The following IQGAP2 variants were observed in gnomAD, a reference collection of about 807,000 sequenced individuals.
IQGAP2 encodes IQ motif containing GTPase activating protein 2.
In IQGAP2, 173 loss-of-function variants were observed where a neutral mutation model predicts 201.3. That is an observed-to-expected ratio of 0.86 (90% CI 0.76 to 0.98). The LOEUF is 0.98. IQGAP2 is among the 50% of genes least tolerant of loss of function. IQGAP2 has a pLI of 0.00. For synonymous variants in IQGAP2, 675 were observed against 673.9 expected (o/e 1.00, Z -0.03); for missense variants, 1,687 against 1,864.8 (o/e 0.90, Z 1.76).
At chr5:76,658,796 A>G (rs1477736183) in intron 21 of IQGAP2, 129 bp downstream of exon 21, 1 of 804,076 alleles carries the variant, frequency 1.2e-6, no homozygotes, top group Non-Finnish European at 2.1e-6. Context: ...TGATGCAAAC[A>G]TCATAGAGCA....
intron 2 of IQGAP2, among the ~76,000 whole-genome samples, chr5:76,535,742 T>C (rs575117892): frequency 2.0e-4 from 30 of 152,322 alleles, no homozygotes; most frequent in Non-Finnish European, 3.2e-4. Context: ...TTTGTTTGTT[T>C]AGACTGCTTC....
intron 2 of IQGAP2, among the ~76,000 whole-genome samples, chr5:76,515,872 C>CTTT (rs71604295): frequency 0.018 from 1,870 of 102,636 alleles, 119 homozygotes; most frequent in African/African-American, 0.058. Context: ...AGGGGGTGAT[C>CTTT]TTTTTTTTTT....
intron 28 of IQGAP2, among the ~76,000 whole-genome samples, chr5:76,679,262 A>G (rs1482247194): frequency 6.6e-6 from 1 of 152,214 alleles, no homozygotes; most frequent in Non-Finnish European, 1.5e-5. Context: ...TTAATTTAGA[A>G]GTCTTAGAAG....
chr5:76,484,249 T>G (rs1300114026), intron 2 of IQGAP2, among the ~76,000 whole-genome samples: 2 of 152,178 alleles, frequency 1.3e-5, no homozygotes, highest in African/African-American at 4.8e-5. Flanking sequence ...TTGTGAAGGC[T>G]TATGAGGAAA....
chr5:76,647,737 C>T (rs1407178540), intron 17 of IQGAP2, among the ~76,000 whole-genome samples: 1 of 152,074 alleles, frequency 6.6e-6, no homozygotes, highest in Non-Finnish European at 1.5e-5. Context: ...TGAAAGCCTG[C>T]TCTCTGTAGC....
At chr5:76,600,673 G>T (rs1173067196) in intron 10 of IQGAP2, 139 bp from the exon 11 acceptor site, 1 of 883,542 alleles carries the variant, frequency 1.1e-6, no homozygotes, top group Non-Finnish European at 1.7e-6. Context: ...TGGAAAGCAG[G>T]TGGCCACGAC....
rs534555234 is a variant in IQGAP2, at chr5:76,672,592, T to C, written c.3068+609T>C. 5.9e-5 allele frequency among the ~76,000 whole-genome samples: 9 copies of C among 152,352 alleles called. No homozygotes were observed. The East Asian group carries it at 1.5e-3, about 26-fold the overall frequency. The stretch of plus-strand genomic sequence containing the variant: ...TAAGTATTTGGAATCGTGGTATAGA[T>C]ATACATTTGTTGGCACAGAAAAAAA... On this transcript the variant is annotated intron_variant, in intron 24 of 35. Transcript: ENST00000274364.
chr5:76,430,455 AG>A (rs1369518195), intron 1 of IQGAP2, among the ~76,000 whole-genome samples: 2 of 152,218 alleles, frequency 1.3e-5, no homozygotes, highest in Non-Finnish European at 2.9e-5. Context: ...GGCTTCTTGC[AG>A]CATGGCAGCT....
intron 2 of IQGAP2, among the ~76,000 whole-genome samples, chr5:76,495,074 A>G (rs559220185): frequency 1.1e-4 from 16 of 152,362 alleles, no homozygotes; most frequent in African/African-American, 3.6e-4. Context: ...ACATAAATAC[A>G]TAAATTTTAA....
intron 2 of IQGAP2, among the ~76,000 whole-genome samples, chr5:76,482,876 G>C (rs530486628): frequency 6.6e-6 from 1 of 152,272 alleles, no homozygotes; most frequent in South Asian, 2.1e-4. Context: ...GTTAGTGCCT[G>C]AGTGGCCTTG....
chr5:76,471,766 C>T (rs894456958), intron 2 of IQGAP2, among the ~76,000 whole-genome samples: 59 of 152,156 alleles, frequency 3.9e-4, no homozygotes, highest in African/African-American at 1.4e-3. Flanking sequence ...AGTGGATTTC[C>T]TCTGCATGCT....
chr5:76,423,553 G>A (rs1291360407), intron 1 of IQGAP2, among the ~76,000 whole-genome samples: 2 of 152,172 alleles, frequency 1.3e-5, no homozygotes, highest in South Asian at 2.1e-4. Flanking sequence ...CCTAGGAGGC[G>A]GAGTTTGCAG....
chr5:76,632,575 A>T (rs1750797830), intron 15 of IQGAP2, among the ~76,000 whole-genome samples: 1 of 152,176 alleles, frequency 6.6e-6, no homozygotes, highest in Non-Finnish European at 1.5e-5. Flanking sequence ...GGAAGTTCAC[A>T]TTGGTAAGAT....
Position 76,461,560 on chromosome 5 carries a change from C to G in IQGAP2, c.47-10C>G. On this transcript the variant is annotated splice_polypyrimidine_tract_variant and intron_variant, in intron 1 of 35. Transcript: ENST00000274364. Reference sequence around the variant, plus strand: ...TTTGTAAATCACATGTTGTTATCCTCTATTTCTAGCTATTGTGGACGATGA... The same window carrying G: ...TTTGTAAATCACATGTTGTTATCCTGTATTTCTAGCTATTGTGGACGATGA... 6.3e-7 allele frequency: 1 copy of G among 1,598,512 alleles called. No individual in the cohort carries two copies. Among genetic ancestry groups the G allele is most frequent in the Non-Finnish European group, 8.6e-7 (1 of 1,166,220 alleles).
intron 5 of IQGAP2, among the ~76,000 whole-genome samples, chr5:76,581,851 A>G (rs1056256431): frequency 2.0e-5 from 3 of 152,194 alleles, no homozygotes; most frequent in Non-Finnish European, 4.4e-5. Flanking sequence ...AACTATTTCA[A>G]ACATGGAGTC....
intron 2 of IQGAP2, among the ~76,000 whole-genome samples, chr5:76,523,438 G>A (rs1356322440): frequency 6.6e-6 from 1 of 152,058 alleles, no homozygotes; most frequent in South Asian, 2.1e-4. Context: ...GTGTTCATTA[G>A]CAATCTCGCC....
At chr5:76,616,683 C>G (rs905578728) in intron 13 of IQGAP2, 2 of 152,286 alleles carry the variant, frequency 1.3e-5, no homozygotes, top group African/African-American at 2.4e-5. Context: ...GACTCCATCT[C>G]TGCAAAAAAT....
rs1257922124 is a variant in IQGAP2, at chr5:76,580,549, C to T, written c.458+4780C>T. Among the ~76,000 whole-genome samples the T allele has an allele frequency of 2.6e-5, 4 of 152,314 alleles. No individual in the cohort carries two copies. In the South Asian group the frequency reaches 8.3e-4, roughly 32 times the overall value. On this transcript the variant is annotated intron_variant, in intron 5 of 35. Transcript: ENST00000274364. ...GTTAAAGTCAATATAAATACACATT[C>T]GCTATTTATCTCTTTTTTTTATTAC...
At chr5:76,445,494 C>T (rs566488239) in intron 1 of IQGAP2, among the ~76,000 whole-genome samples, 16 of 136,478 alleles carry the variant, frequency 1.2e-4, no homozygotes, top group Non-Finnish European at 2.0e-4. Context: ...GATGGAGTTT[C>T]GCTCTTGTTG....
Sources: allele counts gnomAD v4.1 joint callset (sites outside exome capture counted in the v4.1 genomes callset), GRCh38; gene constraint gnomAD v4.1.1; transcripts MANE v1.5; gene names NCBI Gene and HGNC (gene_info 2026-07-23, HGNC 2026-07-21).